Variants in TSPAN7 observed in about 807,000 individuals in gnomAD.
The protein encoded by TSPAN7 is tetraspanin-7.
A neutral mutation model predicts 17.6 loss-of-function variants in TSPAN7; 1 was observed. The ratio of observed to expected loss-of-function variants is 0.06; its 90% CI spans 0.02 to 0.27. The LOEUF (loss-of-function observed/expected upper bound fraction) is 0.27. TSPAN7 is among the 10% of genes least tolerant of loss of function. The probability of loss-of-function intolerance (pLI) is 1.00; values close to 1 mark genes in which losing one functional copy is unlikely to be tolerated. For synonymous variants in TSPAN7, 78 were observed against 79.0 expected, an observed-to-expected ratio of 0.99 and a Z score of 0.07; for missense variants, 112 against 201.7, an observed-to-expected ratio of 0.56 and a Z score of 2.69.
chrX:38,586,592 C>G (rs2069259402), intron 1 of TSPAN7, among the ~76,000 whole-genome samples: 2 of 111,711 alleles, frequency 1.8e-5, no homozygotes, highest in East Asian at 5.6e-4. Flanking sequence ...TTTTAAAAAG[C>G]CGATTTCTTG....
chrX:38,595,781 C>T, intron 1 of TSPAN7, among the ~76,000 whole-genome samples: 1 of 111,816 alleles, frequency 8.9e-6, no homozygotes, highest in South Asian at 3.7e-4. Flanking sequence ...GAATCAGTGG[C>T]CTGAAAGAAT....
chrX:38,615,248 T>A (rs898189783), intron 1 of TSPAN7, among the ~76,000 whole-genome samples: 1 of 111,789 alleles, frequency 8.9e-6, no homozygotes, highest in Non-Finnish European at 1.9e-5. Context: ...AAGTACAAGA[T>A]TCTGTTTATA....
rs746100620 is a variant in TSPAN7 at position 38,648,131 on chromosome X, A to G, written c.82-17990A>G. Among the ~76,000 whole-genome samples, 106 of 111,992 alleles carry G rather than the reference A, an allele frequency of 9.5e-4. 1 individual carries two copies. The highest frequency in any genetic ancestry group is 1.5e-3 in the Non-Finnish European group (81 of 53,218). On this transcript the variant is annotated intron_variant, in intron 1 of 7. Coordinates refer to ENST00000378482, the MANE Select transcript of TSPAN7 (RefSeq NM_004615.4). Reference sequence around the variant, plus strand: ...TGTGAGCCTCATGGGATTATTATGAATACTAAATGGAATTTTATGAATGAA... The same window carrying G: ...TGTGAGCCTCATGGGATTATTATGAGTACTAAATGGAATTTTATGAATGAA...
At chrX:38,676,399 A>T (rs1344607849) in intron 5 of TSPAN7, among the ~76,000 whole-genome samples, 1 of 111,432 alleles carries the variant, frequency 9.0e-6, no homozygotes, top group Non-Finnish European at 1.9e-5. Context: ...GAGGGGAAAA[A>T]AGAGGACTAA....
At chrX:38,577,934 T>C (rs2069205595) in intron 1 of TSPAN7, among the ~76,000 whole-genome samples, 1 of 110,706 alleles carries the variant, frequency 9.0e-6, no homozygotes, top group Non-Finnish European at 1.9e-5. Context: ...CACTAGACTG[T>C]GTAGGCCCCT....
chrX:38,634,049 A>G (rs1469999303), intron 1 of TSPAN7, among the ~76,000 whole-genome samples: 3 of 112,294 alleles, frequency 2.7e-5, no homozygotes, highest in Non-Finnish European at 3.8e-5. Context: ...ATTCTAGTTC[A>G]TGGTGGCTGG....
At chrX:38,623,410 G>A (rs2069500419) in intron 1 of TSPAN7, among the ~76,000 whole-genome samples, 1 of 109,530 alleles carries the variant, frequency 9.1e-6, no homozygotes, top group South Asian at 4.1e-4. Context: ...TCTTCACCTG[G>A]CTTCCAAAGC....
chrX:38,562,895 C>T (rs928502264), intron 1 of TSPAN7: 47 of 769,525 alleles, frequency 6.1e-5, no homozygotes, highest in Non-Finnish European at 7.6e-5. Context: ...GCCAGTTCAA[C>T]CTTTGCTTGT....
chrX:38,653,275 G>T (rs765999743), intron 1 of TSPAN7, among the ~76,000 whole-genome samples: 1 of 111,536 alleles, frequency 9.0e-6, no homozygotes, highest in East Asian at 2.8e-4. Context: ...TGTGCCCTTC[G>T]TTCATGAACA....
At chrX:38,687,083 T>C (rs2069931204) in intron 6 of TSPAN7, among the ~76,000 whole-genome samples, 1 of 112,178 alleles carries the variant, frequency 8.9e-6, no homozygotes, top group African/African-American at 3.2e-5. Context: ...ATAGTGTCTC[T>C]ATTCTTGCCT....
chrX:38,598,005 A>T (rs1223863965), intron 1 of TSPAN7, among the ~76,000 whole-genome samples: 1 of 111,547 alleles, frequency 9.0e-6, no homozygotes, highest in African/African-American at 3.3e-5. Context: ...ACTTGAAACA[A>T]TTGTACTGCA....
intron 1 of TSPAN7, among the ~76,000 whole-genome samples, chrX:38,616,437 C>T (rs1335944959): frequency 8.9e-6 from 1 of 111,873 alleles, no homozygotes; most frequent in African/African-American, 3.3e-5. Context: ...ATCTGCAGGG[C>T]AGAGTTCCTG....
chrX:38,579,294 G>A (rs911503103), intron 1 of TSPAN7, among the ~76,000 whole-genome samples: 1 of 110,514 alleles, frequency 9.0e-6, no homozygotes, highest in Admixed American at 9.7e-5. Flanking sequence ...TTAAATTAAT[G>A]CAAGGCCGGG....
intron 1 of TSPAN7, among the ~76,000 whole-genome samples, chrX:38,593,952 CTA>C (rs753363967): frequency 8.9e-6 from 1 of 112,572 alleles, no homozygotes; most frequent in Admixed American, 9.4e-5. Flanking sequence ...TCTATAAAAA[CTA>C]TGAGTTCATA....
intron 1 of TSPAN7, among the ~76,000 whole-genome samples, chrX:38,607,743 G>A (rs180995957): frequency 1.5e-3 from 170 of 110,726 alleles, no homozygotes; most frequent in Admixed American, 3.8e-3. Context: ...GAGCACTGAC[G>A]ATTGAACTTG....
At chrX:38,673,182 G>C (rs1211235647) in intron 3 of TSPAN7, among the ~76,000 whole-genome samples, 1 of 110,931 alleles carries the variant, frequency 9.0e-6, no homozygotes, top group African/African-American at 3.3e-5. Context: ...TTCCCACCAA[G>C]TAGTTATTGT....
intron 1 of TSPAN7, among the ~76,000 whole-genome samples, chrX:38,595,777 G>C (rs1401812365): frequency 3.6e-5 from 4 of 111,891 alleles, no homozygotes; most frequent in Non-Finnish European, 7.5e-5. Context: ...GTTGGAATCA[G>C]TGGCCTGAAA....
At chrX:38,586,094 G>A (rs776283651) in intron 1 of TSPAN7, among the ~76,000 whole-genome samples, 6 of 112,579 alleles carry the variant, frequency 5.3e-5, no homozygotes, top group Admixed American at 9.4e-5. Flanking sequence ...GAATCTTGCA[G>A]CTTATCACCA....
intron 1 of TSPAN7, among the ~76,000 whole-genome samples, chrX:38,657,957 T>TA (rs2069714072): frequency 1.8e-5 from 2 of 111,800 alleles, no homozygotes; most frequent in South Asian, 7.5e-4. Context: ...TCTGGCTATC[T>TA]GATCCCTGAT....
Sources: gnomAD v4.1 joint callset for allele counts (sites outside exome capture counted in the v4.1 genomes callset) on GRCh38, gnomAD v4.1.1 for gene constraint, MANE v1.5 for transcripts, NCBI Gene and HGNC (gene_info 2026-07-23, HGNC 2026-07-21) for gene names.